The following MCPH1 variants were observed in gnomAD, a reference collection of about 807,000 sequenced individuals.
The protein encoded by MCPH1 is microcephalin 1.
In MCPH1, 104 loss-of-function variants were observed where a neutral mutation model predicts 84.5. The ratio of observed to expected loss-of-function variants is 1.23; its 90% CI spans 1.05 to 1.45. MCPH1 has a LOEUF of 1.45. Among genes scored for constraint, MCPH1 ranks in the 40% most tolerant of loss-of-function variants. The pLI is 0.00. For synonymous variants in MCPH1, 514 were observed against 366.8 expected, an observed-to-expected ratio of 1.40 and a Z score of -4.58; for missense variants, 1,498 against 1,005.7, an observed-to-expected ratio of 1.49 and a Z score of -6.62.
intron 10 of MCPH1, 24 bp downstream of exon 10, chr8:6,477,655 T>C: frequency 6.2e-7 from 1 of 1,604,424 alleles, no homozygotes; most frequent in Non-Finnish European, 8.5e-7. Context: ...TTGATTTCTG[T>C]TCAATGTAAA....
chr8:6,425,138 T>C (rs1241625389), intron 3 of MCPH1, among the ~76,000 whole-genome samples: 5 of 152,218 alleles, frequency 3.3e-5, no homozygotes, highest in South Asian at 4.1e-4. Context: ...AGTGCTGGAG[T>C]GAATCGGCTC....
chr8:6,562,574 T>TTTTTAAAACC, intron 12 of MCPH1: 1 of 583,794 alleles, frequency 1.7e-6, no homozygotes, highest in Non-Finnish European at 2.6e-6. Context: ...TTTTTTTTGG[T>TTTTTAAAACC]TGTTAAAACC....
intron 12 of MCPH1, among the ~76,000 whole-genome samples, chr8:6,547,943 G>C (rs1822909288): frequency 6.7e-6 from 1 of 149,042 alleles, no homozygotes; most frequent in South Asian, 2.1e-4. Flanking sequence ...TTTGGGTTAT[G>C]ACTCCTACGA....
At chr8:6,490,248 T>G (rs1586077930) in intron 11 of MCPH1, among the ~76,000 whole-genome samples, 1 of 152,232 alleles carries the variant, frequency 6.6e-6, no homozygotes, top group Non-Finnish European at 1.5e-5. Context: ...CAGTTCTCAC[T>G]GTAAATATTA....
At chr8:6,419,122 TAC>T (rs1378714195) in intron 3 of MCPH1, among the ~76,000 whole-genome samples, 1 of 131,574 alleles carries the variant, frequency 7.6e-6, no homozygotes, top group Non-Finnish European at 1.5e-5. Flanking sequence ...TATATTTATA[TAC>T]ACATACACAC....
At chr8:6,515,863 T>C (rs1167950114) in intron 12 of MCPH1, among the ~76,000 whole-genome samples, 2 of 152,202 alleles carry the variant, frequency 1.3e-5, no homozygotes, top group African/African-American at 4.8e-5. Context: ...GTTAGAATCC[T>C]AAAGAGGAGA....
rs1485603905 is a variant in MCPH1, at chr8:6,647,159, T to G, written c.*4110T>G. The G allele has an allele frequency of 6.6e-6, 1 of 152,174 alleles. No homozygotes were observed. The highest frequency in any genetic ancestry group is 6.5e-5 in the Admixed American group (1 of 15,278). The allele number at this position is 152,174 out of a possible 1,614,324, so 9.4% of individuals were successfully genotyped here. A position where few individuals can be genotyped will look rare whatever the true frequency, so the allele number is the denominator to read the frequency against. The stretch of plus-strand genomic sequence containing the variant: ...TTCATGCAAGAAGATATACAAATAT[T>G]AAGCACATTAAAATGCTCAATATTA... On this transcript the variant is annotated 3_prime_UTR_variant, in exon 14 of 14. Coordinates refer to ENST00000344683, the MANE Select transcript of MCPH1 (RefSeq NM_024596.5).
intron 12 of MCPH1, chr8:6,615,739 G>GA (rs975349130): frequency 2.6e-5 from 4 of 152,142 alleles, no homozygotes; most frequent in Admixed American, 1.3e-4. Flanking sequence ...GGGAACTGGG[G>GA]AAAAAATGCA....
intron 12 of MCPH1, among the ~76,000 whole-genome samples, chr8:6,592,493 A>C (rs1240266146): frequency 6.6e-6 from 1 of 152,066 alleles, no homozygotes; most frequent in African/African-American, 2.4e-5. Flanking sequence ...GAATATTATA[A>C]AGTTAAAGCT....
chr8:6,625,395 C>CT (rs1359430788), intron 13 of MCPH1: 1 of 985,270 alleles, frequency 1.0e-6, no homozygotes, highest in East Asian at 1.1e-4. Flanking sequence ...CTTTTGGAGA[C>CT]TTTTTTTCCT....
chr8:6,568,816 C>T (rs1826433635), intron 12 of MCPH1, among the ~76,000 whole-genome samples: 2 of 152,228 alleles, frequency 1.3e-5, no homozygotes, highest in African/African-American at 2.4e-5. Context: ...CTCCCACTGC[C>T]CCTGCCTGCA....
At chr8:6,497,340 A>G (rs569703877) in intron 11 of MCPH1, among the ~76,000 whole-genome samples, 1 of 151,988 alleles carries the variant, frequency 6.6e-6, no homozygotes, top group South Asian at 2.1e-4. Context: ...AAAAAAAAAG[A>G]AAAAAGAAAA....
intron 12 of MCPH1, among the ~76,000 whole-genome samples, chr8:6,586,849 G>A (rs1828024001): frequency 6.6e-6 from 1 of 152,184 alleles, no homozygotes; most frequent in Admixed American, 6.5e-5. Flanking sequence ...CCTGAATCCT[G>A]TCGCTGGCTT....
intron 12 of MCPH1, among the ~76,000 whole-genome samples, chr8:6,533,835 T>C (rs751780765): frequency 6.6e-6 from 1 of 152,154 alleles, no homozygotes; most frequent in Non-Finnish European, 1.5e-5. Context: ...TGTTAACCAC[T>C]AAATAATTCT....
At chr8:6,492,187 T>G (rs538031881) in intron 11 of MCPH1, among the ~76,000 whole-genome samples, 8 of 152,354 alleles carry the variant, frequency 5.3e-5, no homozygotes, top group African/African-American at 1.9e-4. Flanking sequence ...TGTGTGATGG[T>G]ATCTCATTGT....
intron 12 of MCPH1, among the ~76,000 whole-genome samples, chr8:6,516,784 G>A (rs1022778634): frequency 6.6e-6 from 1 of 152,128 alleles, no homozygotes; most frequent in Non-Finnish European, 1.5e-5. Context: ...TGATTCTTCA[G>A]TGTCAAAATT....
chr8:6,452,446 A>T (rs895177124), intron 8 of MCPH1, among the ~76,000 whole-genome samples: 1 of 152,268 alleles, frequency 6.6e-6, no homozygotes, highest in Non-Finnish European at 1.5e-5. Context: ...GTGAAAACGA[A>T]GTCAATGAAT....
At chr8:6,503,091 A>C in intron 12 of MCPH1, 1 of 1,614,104 alleles carries the variant, frequency 6.2e-7, no homozygotes, top group African/African-American at 1.3e-5. Flanking sequence ...CCTCAGGTGG[A>C]CTGGGATGTT....
intron 12 of MCPH1, among the ~76,000 whole-genome samples, chr8:6,601,713 A>T (rs1379152686): frequency 2.0e-5 from 3 of 148,182 alleles, no homozygotes; most frequent in Non-Finnish European, 4.4e-5. Context: ...AACACACACC[A>T]CACACACACA....
Sources: allele counts gnomAD v4.1 joint callset (sites outside exome capture counted in the v4.1 genomes callset), GRCh38; gene constraint gnomAD v4.1.1; transcripts MANE v1.5; gene names NCBI Gene and HGNC (gene_info 2026-07-23, HGNC 2026-07-21).